FBXW4: variants seen among roughly 807,000 people sequenced by gnomAD.
FBXW4 encodes the protein F-box/WD repeat-containing protein 4.
Under a neutral mutation model 61.8 loss-of-function variants are expected in FBXW4, and 40 were observed. The ratio of observed to expected loss-of-function variants is 0.65; its 90% CI spans 0.50 to 0.84. The LOEUF (loss-of-function observed/expected upper bound fraction) is 0.84. Among genes scored for constraint, FBXW4 ranks in the 40% least tolerant of loss-of-function variants. FBXW4 has a pLI of 0.00. For missense variants in FBXW4, 672 were observed against 753.8 expected, an observed-to-expected ratio of 0.89 and a Z score of 1.27; for synonymous variants, 311 against 313.8, an observed-to-expected ratio of 0.99 and a Z score of 0.10.
Position 101,694,486 on chromosome 10 carries a change from G to C in FBXW4, c.620C>G (p.Ala207Gly). Residue 207 changes from alanine to glycine, a missense_variant, in exon 1 of 9, where the codon GCC becomes GGC. Around this residue, in one of 5 missense-constraint regions of FBXW4, gnomAD observed 311 missense variants for 301.1 expected, o/e 1.03. Coordinates refer to ENST00000331272, the MANE Select transcript of FBXW4 (RefSeq NM_022039.4). This position sits in a 1 kb window ranked among gnomAD's most constrained non-coding sequence, Gnocchi z 6.0. ...GCGCCGCAGCCAGCGGCACACCTGG[G>C]CCAGGCGGCCGAGGGCCCGCATGTC... ...YLDMRALGRL[A>G]QVCRWLRRFT... 6.5e-7 allele frequency: 1 copy of C among 1,527,164 alleles called. No homozygotes were observed. Among genetic ancestry groups the C allele is most frequent in the Non-Finnish European group, 8.7e-7 (1 of 1,148,076 alleles). The allele number at this position is 1,527,164 out of a possible 1,614,324, so 94.6% of individuals were successfully genotyped here.
chr10:101,690,321 A>T (rs993260081), intron 1 of FBXW4, among the ~76,000 whole-genome samples: 3 of 152,204 alleles, frequency 2.0e-5, no homozygotes, highest in Non-Finnish European at 4.4e-5. Context: ...CTTTAGGGAA[A>T]ATTTGAAAGA....
intron 1 of FBXW4, among the ~76,000 whole-genome samples, chr10:101,678,239 C>T (rs754756837): frequency 6.6e-6 from 1 of 152,158 alleles, no homozygotes; most frequent in Admixed American, 6.5e-5. Flanking sequence ...TTACAGAGTA[C>T]GCCTTTGAAG....
At chr10:101,641,676 C>T (rs774492232) in intron 5 of FBXW4, among the ~76,000 whole-genome samples, 5 of 151,666 alleles carry the variant, frequency 3.3e-5, no homozygotes, top group Admixed American at 6.6e-5. Flanking sequence ...TGTGTCCCCC[C>T]AAACCCTCTC....
intron 5 of FBXW4, among the ~76,000 whole-genome samples, chr10:101,641,569 C>T (rs775798670): frequency 2.6e-5 from 4 of 151,844 alleles, no homozygotes; most frequent in Non-Finnish European, 5.9e-5. Flanking sequence ...CATGTGCACA[C>T]AAACACAAAA....
At chr10:101,669,686 C>T (rs2064339638) in intron 4 of FBXW4, among the ~76,000 whole-genome samples, 1 of 152,158 alleles carries the variant, frequency 6.6e-6, no homozygotes, top group Admixed American at 6.5e-5. Context: ...CAACAATATG[C>T]TGATCCTATC....
At chr10:101,627,838 A>G (rs2063919193) in intron 5 of FBXW4, 1 of 457,846 alleles carries the variant, frequency 2.2e-6, no homozygotes, top group African/African-American at 2.1e-5. Flanking sequence ...TTACCCCCAC[A>G]CTCAGACTCC....
At chr10:101,624,270 TA>T (rs202127189) in intron 6 of FBXW4, among the ~76,000 whole-genome samples, 24,553 of 135,922 alleles carry the variant, frequency 0.18, 2,275 homozygotes, top group Middle Eastern at 0.27. Flanking sequence ...ATTAGAAAGT[TA>T]AAAAAAAAAA....
chr10:101,654,258 C>A (rs192856787), intron 5 of FBXW4, among the ~76,000 whole-genome samples: 3 of 151,858 alleles, frequency 2.0e-5, no homozygotes, highest in Admixed American at 2.0e-4. Context: ...AAGGGAAGAT[C>A]TTCTGAAAGT....
intron 5 of FBXW4, among the ~76,000 whole-genome samples, chr10:101,643,923 G>A (rs1448837586): frequency 6.6e-6 from 1 of 152,174 alleles, no homozygotes; most frequent in Non-Finnish European, 1.5e-5. Flanking sequence ...TTAATTGCTT[G>A]GTGGGAACAG....
chr10:101,674,090 G>A (rs1331673926), intron 2 of FBXW4, among the ~76,000 whole-genome samples: 4 of 152,100 alleles, frequency 2.6e-5, no homozygotes, highest in African/African-American at 9.7e-5. Flanking sequence ...AGCACTTTGG[G>A]AGGCCAAGGT....
At chr10:101,613,740 G>A (rs558124826) in intron 6 of FBXW4, among the ~76,000 whole-genome samples, 3 of 152,310 alleles carry the variant, frequency 2.0e-5, no homozygotes, top group East Asian at 1.9e-4. Flanking sequence ...GAGACTGGGG[G>A]TTCCTTTCTG....
Position 101,612,476 on chromosome 10 carries a change from CACTGGG to C in FBXW4, c.1302-5_1302del, listed in dbSNP as rs2063796008. The C allele has an allele frequency of 6.4e-7, 1 of 1,566,652 alleles. No homozygotes were observed. Among genetic ancestry groups the C allele is most frequent in the South Asian group, 1.2e-5 (1 of 81,330 alleles). ...CTGCCCAAGTGTGTCATCAGCTGCC[CACTGGG>C]AAGGGAAGGACGGAGTGAGAGGCTG... is the stretch of plus-strand genomic sequence containing the variant. On this transcript the variant is annotated splice_acceptor_variant and splice_polypyrimidine_tract_variant and coding_sequence_variant and intron_variant, in exon 7 of 9. Coordinates refer to ENST00000331272, the MANE Select transcript of FBXW4 (RefSeq NM_022039.4). LOFTEE classifies it high-confidence loss of function.
intron 1 of FBXW4, among the ~76,000 whole-genome samples, chr10:101,691,240 G>A (rs2064598070): frequency 6.6e-6 from 1 of 152,160 alleles, no homozygotes; most frequent in Non-Finnish European, 1.5e-5. Context: ...GACTCCCTAA[G>A]TGGACTGGGG....
At position 101,662,287 on chromosome 10, in the gene FBXW4, C is replaced by T. The variant is rs549513825; in HGVS notation, c.1235+5599G>A. The stretch of plus-strand genomic sequence containing the variant: ...CTTTCCCCAAAACCCACCCGCTTAC[C>T]GAACAGTACACAGTGATTGCTTTCC... On this transcript the variant is annotated intron_variant, in intron 5 of 8. Coordinates refer to ENST00000331272, the MANE Select transcript of FBXW4 (RefSeq NM_022039.4). 9.9e-5 allele frequency among the ~76,000 whole-genome samples: 15 copies of T among 152,274 alleles called. No homozygotes were observed. In the South Asian group the frequency reaches 2.5e-3, roughly 25 times the overall value.
chr10:101,657,639 C>CAAAAAA (rs35721394), intron 5 of FBXW4, among the ~76,000 whole-genome samples: 4 of 56,126 alleles, frequency 7.1e-5, no homozygotes, highest in African/African-American at 7.7e-5. Context: ...GACTCTGTCT[C>CAAAAAA]AAAAAAAAAA....
chr10:101,631,768 T>C (rs1250280722), intron 5 of FBXW4, among the ~76,000 whole-genome samples: 1 of 152,002 alleles, frequency 6.6e-6, no homozygotes, highest in Non-Finnish European at 1.5e-5. Context: ...GCTGGGAATA[T>C]AGGCGCATGC....
intron 4 of FBXW4, among the ~76,000 whole-genome samples, chr10:101,668,327 A>G (rs1314074683): frequency 6.6e-6 from 1 of 152,178 alleles, no homozygotes; most frequent in Non-Finnish European, 1.5e-5. Context: ...GCTTTCCTGT[A>G]TTTGTGGATT....
chr10:101,651,193 C>T (rs1192304681), intron 5 of FBXW4, among the ~76,000 whole-genome samples: 1 of 152,148 alleles, frequency 6.6e-6, no homozygotes, highest in Admixed American at 6.5e-5. Context: ...TCCTTCCCCC[C>T]AGGCCCCAGC....
chr10:101,666,498 T>C (rs1003853126), intron 5 of FBXW4, among the ~76,000 whole-genome samples: 2 of 152,128 alleles, frequency 1.3e-5, no homozygotes, highest in East Asian at 3.8e-4. Context: ...AGAAAGAAGC[T>C]GAAGGGCCTA....
Sources: allele counts gnomAD v4.1 joint callset (sites outside exome capture counted in the v4.1 genomes callset), GRCh38; gene constraint gnomAD v4.1.1; regional missense constraint gnomAD v4.1.1; non-coding constraint Gnocchi (gnomAD v3.1); transcripts MANE v1.5; gene names NCBI Gene and HGNC (gene_info 2026-07-23, HGNC 2026-07-21).